The following USP6NL variants were observed in gnomAD, a reference collection of about 807,000 sequenced individuals.
USP6NL encodes the protein USP6 N-terminal like.
A neutral mutation model predicts 61.9 loss-of-function variants in USP6NL; 26 were observed. The observed-to-expected ratio is 0.42, with a 90% CI of 0.31 to 0.58. The LOEUF is 0.58. Among genes scored for constraint, USP6NL ranks in the 20% least tolerant of loss-of-function variants. USP6NL has a pLI of 0.16. For missense variants in USP6NL, 1,114 were observed against 1,034.3 expected (o/e 1.08, Z -1.06); for synonymous variants, 432 against 390.1 (o/e 1.11, Z -1.27).
rs1473784011 is a variant in USP6NL, at chr10:11,470,722, C to T, written c.1079-6873G>A. On this transcript the variant is annotated intron_variant, in intron 14 of 14. Transcript: ENST00000609104. This position sits in a 1 kb window ranked among gnomAD's most constrained non-coding sequence, Gnocchi z 5.4. ...AGCAACTAACTGTAACTAAAACATT[C>T]ACACATAATTGATGTCAAAACAGAA... Among the ~76,000 whole-genome samples, 5 of 152,224 alleles carry T rather than the reference C, an allele frequency of 3.3e-5. No individual in the cohort carries two copies. Among genetic ancestry groups the T allele is most frequent in the African/African-American group, 1.2e-4 (5 of 41,464 alleles).
Position 11,490,917 on chromosome 10 carries a change from A to T in USP6NL, c.495-37T>A. 1 of 1,482,460 alleles carries T rather than the reference A, an allele frequency of 6.7e-7. No homozygotes were observed. The allele number at this position is 1,482,460 out of a possible 1,614,324, so 91.8% of individuals were successfully genotyped here. A position where few individuals can be genotyped will look rare whatever the true frequency, so the allele number is the denominator to read the frequency against. On this transcript the variant is annotated intron_variant, in intron 8 of 14. Transcript: ENST00000609104. The surrounding 1 kb of genome is among the most constrained non-coding windows in gnomAD (Gnocchi z 4.5). ...AATTTACATTAAATACAATTTAGTA[A>T]TTTCACATATTTTAAAAATTACAAA...
At chr10:11,566,849 C>T (rs973040899) in intron 2 of USP6NL, among the ~76,000 whole-genome samples, 1 of 152,216 alleles carries the variant, frequency 6.6e-6, no homozygotes, top group Non-Finnish European at 1.5e-5. Context: ...CAGTGGCTCA[C>T]GCCTGTAATC....
In USP6NL at chr10:11,482,034, G is replaced by A; in HGVS notation, c.926-112C>T. The A allele has an allele frequency of 9.4e-7, 1 of 1,067,284 alleles. No individual in the cohort carries two copies. The highest frequency in any genetic ancestry group is 2.7e-5 in the East Asian group (1 of 37,240). 66.1% of individuals were successfully genotyped at this position (1,067,284 alleles called of 1,614,324 possible). On this transcript the variant is annotated intron_variant, in intron 13 of 14. Coordinates refer to ENST00000609104, the MANE Select transcript of USP6NL (RefSeq NM_014688.5). This position sits in a 1 kb window ranked among gnomAD's most constrained non-coding sequence, Gnocchi z 4.0. ...AAGGGCATTAAAAAGGGCGCAAGCA[G>A]CATACAACTTACATATGGCATTGAG...
chr10:11,531,468 G>A (rs1258207422), intron 2 of USP6NL, among the ~76,000 whole-genome samples: 1 of 151,888 alleles, frequency 6.6e-6, no homozygotes, highest in Non-Finnish European at 1.5e-5. Context: ...GACTACAGGT[G>A]TGAGCCACCC....
rs533078683 is a variant in USP6NL at position 11,584,083 on chromosome 10, C to T, written c.4+13548G>A. Among the ~76,000 whole-genome samples, 3 of 151,992 alleles carry T rather than the reference C, an allele frequency of 2.0e-5. No homozygotes were observed. In the South Asian group the frequency reaches 6.2e-4, roughly 32 times the overall value. ...ACACAAAATTAGCTGGGTGTGGTGG[C>T]GTGTGCCTGTAGTCCCAGCTATTCA... On this transcript the variant is annotated intron_variant, in intron 2 of 14. Coordinates refer to ENST00000609104, the MANE Select transcript of USP6NL (RefSeq NM_014688.5).
rs1461559103 is a variant in USP6NL, at chr10:11,481,885, T to C, written c.963A>G (p.Glu321=). ...CCTTTGCCAGGGTCTCCTGAAAAAA[T>C]TCTACAAGTTCTTCCATGGACAATT... ...LMKLSMEELV[E]FFQETLAKDF... Residue 321 remains glutamate (E), a synonymous_variant, in exon 14 of 15, where the codon GAA becomes GAG. Coordinates refer to ENST00000609104, the MANE Select transcript of USP6NL (RefSeq NM_014688.5). This position sits in a 1 kb window ranked among gnomAD's most constrained non-coding sequence, Gnocchi z 4.4. 6.2e-7 allele frequency: 1 copy of C among 1,611,376 alleles called. No homozygotes were observed.
Position 11,485,715 on chromosome 10 carries a change from C to A in USP6NL, c.759+102G>T. ...ACTGCATAGTAAATGAAATGGATGACACTATAAATTAATAAGGTAATTGGA... is the reference window on the plus strand; with the variant it reads ...ACTGCATAGTAAATGAAATGGATGAAACTATAAATTAATAAGGTAATTGGA... On this transcript the variant is annotated intron_variant, in intron 11 of 14. Transcript: ENST00000609104. This position sits in a 1 kb window ranked among gnomAD's most constrained non-coding sequence, Gnocchi z 4.8. 1.4e-6 allele frequency: 1 copy of A among 724,880 alleles called. No individual in the cohort carries two copies. The highest frequency in any genetic ancestry group is 2.3e-6 in the Non-Finnish European group (1 of 441,776). The allele number at this position is 724,880 out of a possible 1,614,324, so 44.9% of individuals were successfully genotyped here. A position where few individuals can be genotyped will look rare whatever the true frequency, so the allele number is the denominator to read the frequency against.
At chr10:11,517,626 G>A (rs1835011590) in intron 5 of USP6NL, among the ~76,000 whole-genome samples, 1 of 152,218 alleles carries the variant, frequency 6.6e-6, no homozygotes, top group South Asian at 2.1e-4. Flanking sequence ...ACAGTCACAA[G>A]AGAATTCAAC....
At chr10:11,582,698 A>C (rs191692323) in intron 2 of USP6NL, among the ~76,000 whole-genome samples, 35 of 152,196 alleles carry the variant, frequency 2.3e-4, no homozygotes, top group Non-Finnish European at 2.9e-4. Flanking sequence ...GTCTTTGAAA[A>C]TATTTTATCA....
chr10:11,552,811 G>C (rs1836543111), intron 2 of USP6NL, among the ~76,000 whole-genome samples: 1 of 152,108 alleles, frequency 6.6e-6, no homozygotes, highest in Non-Finnish European at 1.5e-5. Flanking sequence ...CAAAAGCTTT[G>C]CTGCTTTATT....
chr10:11,464,730 C>T (rs1832375650), intron 14 of USP6NL, among the ~76,000 whole-genome samples: 2 of 152,248 alleles, frequency 1.3e-5, no homozygotes, highest in African/African-American at 4.8e-5. Flanking sequence ...TATTCTGGAA[C>T]AGCTGGCAGA....
At position 11,520,443 on chromosome 10, in the gene USP6NL, C is replaced by T. The variant is rs892836184; in HGVS notation, c.156-1869G>A. On this transcript the variant is annotated intron_variant, in intron 4 of 14. Coordinates refer to ENST00000609104, the MANE Select transcript of USP6NL (RefSeq NM_014688.5). This position sits in a 1 kb window ranked among gnomAD's most constrained non-coding sequence, Gnocchi z 5.2. The stretch of plus-strand genomic sequence containing the variant: ...CATATGCTTAAATTTCACACCCTTC[C>T]GAGGATGACACTGCTGCTGCTTACC... Among the ~76,000 whole-genome samples the T allele has an allele frequency of 3.9e-5, 6 of 152,188 alleles. No individual in the cohort carries two copies. Among genetic ancestry groups the T allele is most frequent in the South Asian group, 2.1e-4 (1 of 4,838 alleles).
At chr10:11,568,257 AAAC>A (rs1837238618) in intron 2 of USP6NL, among the ~76,000 whole-genome samples, 2 of 152,298 alleles carry the variant, frequency 1.3e-5, no homozygotes, top group African/African-American at 2.4e-5. Flanking sequence ...TTACCATAAA[AAAC>A]AAAAATGGCT....
In USP6NL at chr10:11,540,505, T is replaced by C. The variant is rs995486965; in HGVS notation, c.5-12938A>G. On this transcript the variant is annotated intron_variant, in intron 2 of 14. Coordinates refer to ENST00000609104, the MANE Select transcript of USP6NL (RefSeq NM_014688.5). The surrounding 1 kb of genome is among the most constrained non-coding windows in gnomAD (Gnocchi z 5.0). ...TCATTCACTTAGTTTTAAGAACTTC[T>C]TTCCCAGCTCATTCAGAATTGCAAG... Among the ~76,000 whole-genome samples, 7 of 152,218 alleles carry C rather than the reference T, an allele frequency of 4.6e-5. No homozygotes were observed. The highest frequency in any genetic ancestry group is 1.0e-4 in the Non-Finnish European group (7 of 68,036).
chr10:11,577,821 C>A (rs1311556600), intron 2 of USP6NL, among the ~76,000 whole-genome samples: 1 of 152,154 alleles, frequency 6.6e-6, no homozygotes, highest in African/African-American at 2.4e-5. Flanking sequence ...CAGGCGTGAG[C>A]CACTGTGCCT....
chr10:11,463,379 C>T lies in USP6NL; in HGVS notation c.1549G>A (p.Val517Ile). Residue 517 changes from valine to isoleucine, a missense_variant, in exon 15 of 15, where the codon GTT (valine) becomes ATT (isoleucine). Coordinates refer to ENST00000609104, the MANE Select transcript of USP6NL (RefSeq NM_014688.5). This position sits in a 1 kb window ranked among gnomAD's most constrained non-coding sequence, Gnocchi z 6.3. Reference sequence around the variant, plus strand: ...ACCTCGGCAGGACCTGGGACGGTAACTGCGAGCGCGGGGTGCGCTGCTCGA... The same window carrying T: ...ACCTCGGCAGGACCTGGGACGGTAATTGCGAGCGCGGGGTGCGCTGCTCGA... Reference protein sequence around the residue: ...KGRAAHPALAVTVPGPAEVRV... With the variant: ...KGRAAHPALAITVPGPAEVRV... The T allele has an allele frequency of 6.2e-7, 1 of 1,614,066 alleles. No homozygotes were observed. The highest frequency in any genetic ancestry group is 8.5e-7 in the Non-Finnish European group (1 of 1,179,908).
At chr10:11,558,596 A>G (rs955118294) in intron 2 of USP6NL, among the ~76,000 whole-genome samples, 9 of 152,164 alleles carry the variant, frequency 5.9e-5, no homozygotes, top group Non-Finnish European at 1.0e-4. Context: ...CTCCCCATCC[A>G]TGGAACCCAT....
At chr10:11,492,844 A>T (rs1833759629) in intron 8 of USP6NL, among the ~76,000 whole-genome samples, 1 of 151,828 alleles carries the variant, frequency 6.6e-6, no homozygotes, top group African/African-American at 2.4e-5. Flanking sequence ...TCATTCTTCT[A>T]TGACTTCTAA....
At position 11,546,435 on chromosome 10, in the gene USP6NL, TCTGTCGCC is replaced by T. The variant is rs200716003; in HGVS notation, c.5-18876_5-18869del. On this transcript the variant is annotated intron_variant, in intron 2 of 14. Transcript: ENST00000609104. ...TTTATTTTTTCAGACGGAGTCTTGA[TCTGTCGCC>T]CAGGCTGGAGTGAAGTGGCACGATC... Among the ~76,000 whole-genome samples, 173 of 152,340 alleles carry T rather than the reference TCTGTCGCC, an allele frequency of 1.1e-3. 3 individuals are homozygous for T. In the East Asian group the frequency reaches 0.026, roughly 23 times the overall value.
Sources: allele counts gnomAD v4.1 joint callset (sites outside exome capture counted in the v4.1 genomes callset), GRCh38; gene constraint gnomAD v4.1.1; non-coding constraint Gnocchi (gnomAD v3.1); transcripts MANE v1.5; gene names NCBI Gene and HGNC (gene_info 2026-07-23, HGNC 2026-07-21).